CDYL: variants seen among roughly 807,000 people sequenced by gnomAD.
CDYL encodes chromodomain Y like.
In CDYL, 8 loss-of-function variants were observed where a neutral mutation model predicts 47.3. That is an observed-to-expected ratio of 0.17 (90% CI 0.10 to 0.31). CDYL has a LOEUF of 0.31. Among genes scored for constraint, CDYL ranks in the 10% least tolerant of loss-of-function variants. The probability of loss-of-function intolerance (pLI) is 1.00; values close to 1 mark genes in which losing one functional copy is unlikely to be tolerated. For synonymous variants in CDYL, 266 were observed against 265.0 expected, an observed-to-expected ratio of 1.00 and a Z score of -0.04; for missense variants, 471 against 701.4, an observed-to-expected ratio of 0.67 and a Z score of 3.71.
intron 1 of CDYL, among the ~76,000 whole-genome samples, chr6:4,870,530 A>G (rs181567011): frequency 1.3e-5 from 2 of 152,256 alleles, no homozygotes; most frequent in Non-Finnish European, 2.9e-5. Flanking sequence ...TCTTGGATCT[A>G]TACATAATTG....
At position 4,892,340 on chromosome 6, in the gene CDYL, A is replaced by G. The variant is rs375314618; in HGVS notation, c.652A>G (p.Thr218Ala). The G allele has an allele frequency of 1.5e-4, 244 of 1,613,460 alleles. No homozygotes were observed. The highest frequency in any genetic ancestry group is 2.0e-4 in the Non-Finnish European group (236 of 1,179,792). ...PLVPQVPGPV[T>A]AAMATGLAVN... is the part of the protein sequence containing the mutation. ...AGTGCCTCAGGTGCCCGGCCCTGTG[A>G]CTGCAGCCATGGCCACAGGCTTAGC... Residue 218 changes from threonine to alanine, a missense_variant, in exon 2 of 7, where the codon ACT (threonine) becomes GCT (alanine). Physicochemically the swap from Thr to Ala is moderately conservative, Grantham distance 58. Transcript: ENST00000397588.
At chr6:4,918,037 C>T (rs772035872) in intron 2 of CDYL, among the ~76,000 whole-genome samples, 12 of 152,122 alleles carry the variant, frequency 7.9e-5, no homozygotes, top group Non-Finnish European at 1.6e-4. Context: ...TTGAAATTAA[C>T]GGCCACACAC....
chr6:4,717,171 C>T (rs1489240097), intron 2 of CDYL, among the ~76,000 whole-genome samples: 1 of 152,070 alleles, frequency 6.6e-6, no homozygotes, highest in African/African-American at 2.4e-5. Context: ...GGGGCTCACA[C>T]CTGAGACTCC....
intron 4 of CDYL, among the ~76,000 whole-genome samples, chr6:4,939,659 T>C (rs1353207899): frequency 6.6e-6 from 1 of 152,232 alleles, no homozygotes; most frequent in Non-Finnish European, 1.5e-5. Flanking sequence ...GGTGGGACCA[T>C]CTTGTTCTTC....
intron 1 of CDYL, among the ~76,000 whole-genome samples, chr6:4,842,633 C>T (rs960478876): frequency 5.9e-5 from 9 of 152,070 alleles, no homozygotes; most frequent in East Asian, 3.8e-4. Context: ...CTGTTTCACC[C>T]GTTTACCTTA....
At chr6:4,927,357 G>A (rs959382799) in intron 2 of CDYL, among the ~76,000 whole-genome samples, 4 of 68,586 alleles carry the variant, frequency 5.8e-5, no homozygotes, top group Admixed American at 1.6e-4. Flanking sequence ...TAGAAAGAAC[G>A]TCTTTTTTTT....
intron 1 of CDYL, among the ~76,000 whole-genome samples, chr6:4,817,182 C>T (rs994371804): frequency 6.6e-6 from 1 of 152,006 alleles, no homozygotes; most frequent in Non-Finnish European, 1.5e-5. Context: ...GAGTATGTCA[C>T]CTGTGAGGTA....
At chr6:4,856,367 A>G (rs142125473) in intron 1 of CDYL, among the ~76,000 whole-genome samples, 11 of 152,314 alleles carry the variant, frequency 7.2e-5, no homozygotes, top group African/African-American at 2.4e-4. Flanking sequence ...GGCCGGATAG[A>G]TAATTGCAGA....
intron 1 of CDYL, among the ~76,000 whole-genome samples, chr6:4,830,690 T>C (rs1281195847): frequency 6.6e-6 from 1 of 151,836 alleles, no homozygotes. Flanking sequence ...GACATGCTGG[T>C]GCACTGCACC....
At chr6:4,876,684 C>T (rs935559427) in intron 1 of CDYL, among the ~76,000 whole-genome samples, 2 of 152,080 alleles carry the variant, frequency 1.3e-5, no homozygotes, top group African/African-American at 4.8e-5. Flanking sequence ...AAATCTTTGC[C>T]AACATTTTAA....
chr6:4,753,896 C>A (rs1232750609), intron 3 of CDYL, among the ~76,000 whole-genome samples: 1 of 152,198 alleles, frequency 6.6e-6, no homozygotes, highest in Admixed American at 6.5e-5. Flanking sequence ...CAAATGGATT[C>A]CATTGCTCTG....
At chr6:4,712,779 C>A (rs940861440) in intron 1 of CDYL, among the ~76,000 whole-genome samples, 1 of 152,226 alleles carries the variant, frequency 6.6e-6, no homozygotes, top group Non-Finnish European at 1.5e-5. Flanking sequence ...TCACGACTCA[C>A]GTGCTACAGA....
chr6:4,867,630 C>A (rs1342106251), intron 1 of CDYL, among the ~76,000 whole-genome samples: 2 of 151,988 alleles, frequency 1.3e-5, no homozygotes, highest in Admixed American at 6.6e-5. Context: ...TTAATTGATT[C>A]TCTGATGTGA....
chr6:4,835,814 T>G lies in CDYL; in HGVS notation c.25-55899T>G, dbSNP rs376939097. ...TCCCTCTCCCAGCCTCGTTGCCGCC[T>G]TGCAGTTTGATCTCAGACTGCTGTG... is the stretch of plus-strand genomic sequence containing the variant. On this transcript the variant is annotated intron_variant, in intron 1 of 6. Transcript: ENST00000397588. Among the ~76,000 whole-genome samples the G allele has an allele frequency of 5.3e-5, 8 of 152,330 alleles. No homozygotes were observed. In the East Asian group the frequency reaches 1.5e-3, roughly 29 times the overall value.
chr6:4,914,812 A>G (rs534534969), intron 2 of CDYL, among the ~76,000 whole-genome samples: 10 of 152,368 alleles, frequency 6.6e-5, no homozygotes, highest in Non-Finnish European at 1.2e-4. Context: ...GTGTTTCAGT[A>G]CAGCAGTAAC....
At chr6:4,786,372 T>G (rs1758757063) in intron 1 of CDYL, among the ~76,000 whole-genome samples, 1 of 151,202 alleles carries the variant, frequency 6.6e-6, no homozygotes, top group African/African-American at 2.5e-5. Flanking sequence ...TGGCCCTGTG[T>G]GCCCTTGGTC....
intron 3 of CDYL, among the ~76,000 whole-genome samples, chr6:4,769,988 T>A (rs2127425294): frequency 6.6e-6 from 1 of 151,614 alleles, no homozygotes; most frequent in African/African-American, 2.4e-5. Context: ...TGTGTGTGTG[T>A]GTGTGTGTGT....
chr6:4,851,244 C>T (rs563143338), intron 1 of CDYL, among the ~76,000 whole-genome samples: 5 of 152,264 alleles, frequency 3.3e-5, no homozygotes, highest in South Asian at 2.1e-4. Flanking sequence ...GTAAAATGGA[C>T]GTAACAGCAG....
chr6:4,901,419 G>GC (rs756604826), intron 2 of CDYL, among the ~76,000 whole-genome samples: 39 of 152,162 alleles, frequency 2.6e-4, no homozygotes, highest in Non-Finnish European at 5.1e-4. Flanking sequence ...GTACCTTAAG[G>GC]TTGGGAGCAG....
Sources: gnomAD v4.1 joint callset for allele counts (sites outside exome capture counted in the v4.1 genomes callset) on GRCh38, gnomAD v4.1.1 for gene constraint, MANE v1.5 for transcripts, NCBI Gene and HGNC (gene_info 2026-07-23, HGNC 2026-07-21) for gene names.